Variants in PPM1L observed in about 807,000 individuals in gnomAD.
PPM1L encodes the protein protein phosphatase 1L.
PPM1L carries 13 observed loss-of-function variants against 31.4 expected under a neutral mutation model. That is an observed-to-expected ratio of 0.41 (90% CI 0.27 to 0.66). PPM1L has a LOEUF of 0.66. Ranked by LOEUF, PPM1L falls within the 30% of genes least tolerant of loss-of-function variation. PPM1L has a pLI of 0.29. For missense variants in PPM1L, 326 were observed against 453.7 expected (o/e 0.72, Z 2.56); for synonymous variants, 184 against 175.4 (o/e 1.05, Z -0.39).
Position 161,069,085 on chromosome 3 carries a change from C to T in PPM1L, c.1011C>T (p.Tyr337=), listed in dbSNP as rs1719832758. The T allele has an allele frequency of 1.9e-6, 3 of 1,614,198 alleles. No individual in the cohort carries two copies. Among genetic ancestry groups the T allele is most frequent in the Non-Finnish European group, 2.5e-6 (3 of 1,180,028 alleles). The change falls in exon 4 of 4, where the codon TAC becomes TAT. Residue 337 remains tyrosine, a synonymous_variant. Coordinates refer to ENST00000498165, the MANE Select transcript of PPM1L (RefSeq NM_139245.4). ...AGAGCATAGTTTTACAGTCATTTTA[C>T]AGAGGCTGCCCTGACAATATAACAG... ...GAKSIVLQSF[Y]RGCPDNITVM... is the part of the protein sequence containing the mutation.
rs184063755 is a variant in PPM1L at position 160,828,969 on chromosome 3, C to A, written c.399+72262C>A. Among the ~76,000 whole-genome samples the A allele has an allele frequency of 1.2e-3, 184 of 152,234 alleles. 2 individuals are homozygous for A. The highest frequency in any genetic ancestry group is 4.3e-3 in the African/African-American group (178 of 41,542). On this transcript the variant is annotated intron_variant, in intron 1 of 3. Transcript: ENST00000498165. ...TCCACCTGGATCTCTGTACCTCCAA[C>A]AGGACAGCCATTCTTAGTTAAGGAG...
intron 1 of PPM1L, among the ~76,000 whole-genome samples, chr3:160,789,034 C>G (rs1338449599): frequency 1.3e-5 from 2 of 151,832 alleles, no homozygotes; most frequent in Non-Finnish European, 1.5e-5. Context: ...CAACAAAATT[C>G]TGTTGGTATT....
chr3:160,986,304 G>A (rs931473940), intron 2 of PPM1L, among the ~76,000 whole-genome samples: 2 of 152,192 alleles, frequency 1.3e-5, no homozygotes, highest in African/African-American at 4.8e-5. Context: ...GATTGAGGAA[G>A]GAAATGGCAG....
intron 2 of PPM1L, among the ~76,000 whole-genome samples, chr3:161,050,006 TTG>T (rs1366863575): frequency 6.6e-6 from 1 of 152,224 alleles, no homozygotes; most frequent in Non-Finnish European, 1.5e-5. Flanking sequence ...TGGCCATCCC[TTG>T]TCCCTTCCTG....
intron 1 of PPM1L, among the ~76,000 whole-genome samples, chr3:160,849,589 T>G (rs143954332): frequency 0.011 from 1,593 of 150,308 alleles, 35 homozygotes; most frequent in African/African-American, 0.037. Flanking sequence ...CCCGGCTAAT[T>G]TTTTTTTTGT....
chr3:160,767,861 A>G (rs903333352), intron 1 of PPM1L, among the ~76,000 whole-genome samples: 7 of 152,118 alleles, frequency 4.6e-5, no homozygotes, highest in Non-Finnish European at 1.0e-4. Flanking sequence ...AGTGTATACC[A>G]TTTCTTTTTA....
At chr3:160,869,671 T>C (rs1712229004) in intron 1 of PPM1L, among the ~76,000 whole-genome samples, 1 of 152,144 alleles carries the variant, frequency 6.6e-6, no homozygotes, top group Non-Finnish European at 1.5e-5. Flanking sequence ...TTAGATTCAA[T>C]GGAATAGAAT....
rs1314982426 is a variant in PPM1L at position 161,021,703 on chromosome 3, CTGT to C, written c.575-43695_575-43693del. Among the ~76,000 whole-genome samples the C allele has an allele frequency of 2.0e-5, 3 of 152,124 alleles. No individual in the cohort carries two copies. The East Asian group carries it at 5.8e-4, about 29-fold the overall frequency. Reference sequence around the variant, plus strand: ...TTTTTGCCTCACGTATTTTAGAGCTCTGTTGTTATGTGCATATATATTTATCTC... The same window carrying C: ...TTTTTGCCTCACGTATTTTAGAGCTCTGTTATGTGCATATATATTTATCTC... On this transcript the variant is annotated intron_variant, in intron 2 of 3. Coordinates refer to ENST00000498165, the MANE Select transcript of PPM1L (RefSeq NM_139245.4).
chr3:160,855,095 G>A (rs911093703), intron 1 of PPM1L, among the ~76,000 whole-genome samples: 5 of 151,918 alleles, frequency 3.3e-5, no homozygotes, highest in East Asian at 3.9e-4. Context: ...TATGATCTTC[G>A]ACAAAGTCAA....
chr3:160,968,625 T>G (rs1559907398), intron 2 of PPM1L, among the ~76,000 whole-genome samples: 1 of 152,206 alleles, frequency 6.6e-6, no homozygotes. Flanking sequence ...TATTCCTTTG[T>G]TAAGGATATG....
chr3:160,854,090 C>G (rs1389031331), intron 1 of PPM1L, among the ~76,000 whole-genome samples: 2 of 152,142 alleles, frequency 1.3e-5, no homozygotes, highest in African/African-American at 4.8e-5. Flanking sequence ...AGGTGGTACC[C>G]AGTTATTTAG....
intron 1 of PPM1L, among the ~76,000 whole-genome samples, chr3:160,895,038 T>C (rs1713287430): frequency 6.6e-6 from 1 of 152,202 alleles, no homozygotes; most frequent in Non-Finnish European, 1.5e-5. Flanking sequence ...GTATTCTGTG[T>C]TACAGTCACA....
At chr3:160,915,462 A>G (rs1714135897) in intron 1 of PPM1L, among the ~76,000 whole-genome samples, 1 of 135,102 alleles carries the variant, frequency 7.4e-6, no homozygotes, top group South Asian at 2.4e-4. Flanking sequence ...AAGAATCAGT[A>G]TCATGAAAAT....
intron 1 of PPM1L, among the ~76,000 whole-genome samples, chr3:160,921,593 T>G (rs1714408950): frequency 6.6e-6 from 1 of 152,122 alleles, no homozygotes; most frequent in Non-Finnish European, 1.5e-5. Flanking sequence ...TTTAAAAACT[T>G]AAATTATCTT....
chr3:161,048,274 T>C (rs1719148089), intron 2 of PPM1L, among the ~76,000 whole-genome samples: 1 of 152,168 alleles, frequency 6.6e-6, no homozygotes, highest in Non-Finnish European at 1.5e-5. Flanking sequence ...GTGAAAGATA[T>C]GAACAGACAC....
intron 1 of PPM1L, among the ~76,000 whole-genome samples, chr3:160,760,594 AAGG>A (rs751220252): frequency 5.3e-5 from 8 of 151,996 alleles, no homozygotes; most frequent in Non-Finnish European, 7.4e-5. Flanking sequence ...AAAAGGTAAA[AAGG>A]AGCTCGTTAT....
chr3:160,773,868 T>C (rs1375288478), intron 1 of PPM1L, among the ~76,000 whole-genome samples: 1 of 152,130 alleles, frequency 6.6e-6, no homozygotes, highest in Non-Finnish European at 1.5e-5. Context: ...TTGGTTTTAA[T>C]GACACCACCT....
In PPM1L at chr3:161,074,827, C is replaced by A. The variant is rs866500137; in HGVS notation, c.*5670C>A. ...GCAAGTATTCATTTTAACAAATCAT[C>A]ACAGACAGTTTCCCTGTTCAAAGCT... On this transcript the variant is annotated 3_prime_UTR_variant, in exon 4 of 4. Coordinates refer to ENST00000498165, the MANE Select transcript of PPM1L (RefSeq NM_139245.4). 1 of 152,150 alleles carries A rather than the reference C, an allele frequency of 6.6e-6. No homozygotes were observed. Among genetic ancestry groups the A allele is most frequent in the Non-Finnish European group, 1.5e-5 (1 of 68,046 alleles). 9.4% of individuals were successfully genotyped at this position (152,150 alleles called of 1,614,324 possible). A position where few individuals can be genotyped will look rare whatever the true frequency, so the allele number is the denominator to read the frequency against.
intron 2 of PPM1L, among the ~76,000 whole-genome samples, chr3:161,051,276 A>G (rs1025081322): frequency 3.3e-5 from 5 of 152,086 alleles, no homozygotes; most frequent in Non-Finnish European, 4.4e-5. Context: ...GGTAAGGACT[A>G]TATTTTATTC....
Sources: gnomAD v4.1 joint callset for allele counts (sites outside exome capture counted in the v4.1 genomes callset) on GRCh38, gnomAD v4.1.1 for gene constraint, MANE v1.5 for transcripts, NCBI Gene and HGNC (gene_info 2026-07-23, HGNC 2026-07-21) for gene names.